Variants in FSCN2 observed in about 807,000 individuals in gnomAD.
FSCN2 encodes the protein fascin-2.
A neutral mutation model predicts 37.8 loss-of-function variants in FSCN2; 46 were observed. The observed-to-expected ratio is 1.22, with a 90% CI of 0.96 to 1.56. The LOEUF (loss-of-function observed/expected upper bound fraction) is 1.56. Among genes scored for constraint, FSCN2 ranks in the 40% most tolerant of loss-of-function variants. FSCN2 has a pLI of 0.00. For synonymous variants in FSCN2, 351 were observed against 309.4 expected, an observed-to-expected ratio of 1.13 and a Z score of -1.41; for missense variants, 844 against 730.4, an observed-to-expected ratio of 1.16 and a Z score of -1.79.
chr17:81,523,856 CACACACGCAG>C (rs2032273215), upstream of FSCN2: 1 of 152,420 alleles, frequency 6.6e-6, no homozygotes, highest in South Asian at 2.1e-4. Flanking sequence ...CCCCCAGCTG[CACACACGCAG>C]GCCTGTGCCA....
chr17:81,526,332 C>T (rs561438831), upstream of FSCN2, among the ~76,000 whole-genome samples: 4 of 152,344 alleles, frequency 2.6e-5, no homozygotes, highest in African/African-American at 9.6e-5. Context: ...CGAGCTGTAC[C>T]CTCAAAATCC....
intron 1 of FSCN2, among the ~76,000 whole-genome samples, chr17:81,531,843 GTGATGGTGA>G (rs1568078294): frequency 6.4e-5 from 6 of 93,118 alleles, no homozygotes; most frequent in Non-Finnish European, 9.8e-5. Flanking sequence ...GGTGATGGTG[GTGATGGTGA>G]TGGTGGTGAT....
chr17:81,531,332 G>GATGGTT (rs1555671264), intron 1 of FSCN2, among the ~76,000 whole-genome samples: 1 of 141,398 alleles, frequency 7.1e-6, no homozygotes, highest in Non-Finnish European at 1.5e-5. Context: ...TGGTGGTGGT[G>GATGGTT]GTGATGGTGG....
chr17:81,530,810 G>A (rs1241568521), intron 1 of FSCN2: 3 of 309,268 alleles, frequency 9.7e-6, no homozygotes, highest in East Asian at 2.6e-4. Context: ...GCAGTGACAG[G>A]GTCCCAGGAG....
Position 81,528,507 on chromosome 17 carries a change from C to A in FSCN2, c.-25C>A, listed in dbSNP as rs372264376. On this transcript the variant is annotated 5_prime_UTR_variant, in exon 1 of 5. Coordinates refer to ENST00000417245, the MANE Select transcript of FSCN2 (RefSeq NM_012418.4). ...CACTCAGAGGGCGCATCCCAGGCCC[C>A]TCCGGGGACCCGGCCAGCCTGAAGA... 3.8e-5 allele frequency: 59 copies of A among 1,550,930 alleles called. No homozygotes were observed. The highest frequency in any genetic ancestry group is 4.8e-5 in the Non-Finnish European group (55 of 1,143,204).
At chr17:81,515,901 G>A in the FSCN2 span, among the ~76,000 whole-genome samples, 1 of 152,278 alleles carries the variant, frequency 6.6e-6, no homozygotes, top group Non-Finnish European at 1.5e-5. Context: ...CTGGAGCGCA[G>A]TGGCGCGATC....
At chr17:81,526,492 A>G (rs782151356), upstream of FSCN2, among the ~76,000 whole-genome samples, 10 of 152,204 alleles carry the variant, frequency 6.6e-5, no homozygotes, top group East Asian at 1.5e-3. Context: ...TTAGCCGGGC[A>G]CGGTAGCAAG....
intron 3 of FSCN2, 94 bp from the exon 4 acceptor site, chr17:81,536,528 G>A (rs1262826823): frequency 1.3e-6 from 2 of 1,562,646 alleles, no homozygotes; most frequent in African/African-American, 1.3e-5. Context: ...GGGTCCCTAA[G>A]TCCAGGTGTG....
chr17:81,516,950 A>G, the FSCN2 span, among the ~76,000 whole-genome samples: 2 of 151,874 alleles, frequency 1.3e-5, no homozygotes, highest in Non-Finnish European at 2.9e-5. Context: ...TCCAATTCTC[A>G]CCACTGGAGG....
chr17:81,520,124 G>A, the FSCN2 span, among the ~76,000 whole-genome samples: 1 of 152,354 alleles, frequency 6.6e-6, no homozygotes, highest in Non-Finnish European at 1.5e-5. Context: ...CAAGGGGCCA[G>A]GTTGTTTGCG....
chr17:81,521,924 T>G, the FSCN2 span, among the ~76,000 whole-genome samples: 1 of 152,244 alleles, frequency 6.6e-6, no homozygotes, highest in East Asian at 1.9e-4. Flanking sequence ...ACTTCGGTAA[T>G]GACACTTGTC....
Position 81,529,249 on chromosome 17 carries a change from G to C in FSCN2, c.718G>C (p.Ala240Pro), listed in dbSNP as rs370156011. The C allele has an allele frequency of 3.1e-6, 5 of 1,597,984 alleles. No homozygotes were observed. Among genetic ancestry groups the C allele is most frequent in the Non-Finnish European group, 4.3e-6 (5 of 1,170,536 alleles). Residue 240 changes from alanine to proline, a missense_variant, in exon 1 of 5, where the codon GCC becomes CCC. By Grantham distance (27) the Ala-to-Pro change is conservative. Coordinates refer to ENST00000417245, the MANE Select transcript of FSCN2 (RefSeq NM_012418.4). ...APVGPAGTLK[A>P]GRNTRPGKDE... ...CGTGGGGCCCGCAGGCACCCTCAAG[G>C]CCGGCCGAAACACGCGACCTGGCAA...
chr17:81,527,215 A>G (rs536925303), upstream of FSCN2: 1 of 152,502 alleles, frequency 6.6e-6, no homozygotes, highest in South Asian at 2.1e-4. Flanking sequence ...GGGGACCCCC[A>G]TGATGGCCAC....
rs753518959 is a variant in FSCN2, at chr17:81,537,116, C to A, written c.*36C>A. The A allele has an allele frequency of 7.4e-7, 1 of 1,360,374 alleles. No individual in the cohort carries two copies. The highest frequency in any genetic ancestry group is 9.5e-7 in the Non-Finnish European group (1 of 1,053,876). The allele number at this position is 1,360,374 out of a possible 1,614,324, so 84.3% of individuals were successfully genotyped here. A position where few individuals can be genotyped will look rare whatever the true frequency, so the allele number is the denominator to read the frequency against. On this transcript the variant is annotated 3_prime_UTR_variant, in exon 5 of 5. Transcript: ENST00000417245. The stretch of plus-strand genomic sequence containing the variant: ...AGACCAGCCTGTCGCGCATTAAAAC[C>A]GTGTCTCTCCCGCAGCTGTGGGTGG...
At chr17:81,515,438 G>A in the FSCN2 span, among the ~76,000 whole-genome samples, 11 of 152,390 alleles carry the variant, frequency 7.2e-5, no homozygotes, top group African/African-American at 2.6e-4. Flanking sequence ...CAGGAAGGGA[G>A]ACTTGGGGCC....
the FSCN2 span, among the ~76,000 whole-genome samples, chr17:81,515,264 C>T: frequency 6.6e-6 from 1 of 151,998 alleles, no homozygotes; most frequent in Non-Finnish European, 1.5e-5. Context: ...AAGCCAGTGG[C>T]GCAGGGCAGC....
intron 1 of FSCN2, among the ~76,000 whole-genome samples, chr17:81,531,744 ATGATAGTGATGGCGATGATGG>A (rs2032628065): frequency 1.9e-5 from 1 of 52,922 alleles, no homozygotes. Flanking sequence ...GATGATGGTG[ATGATAGTGATGGCGATGATGG>A]TGATGATAGT....
At chr17:81,532,328 AGTG>A (rs2032697805) in intron 1 of FSCN2, among the ~76,000 whole-genome samples, 1 of 36,884 alleles carries the variant, frequency 2.7e-5, no homozygotes, top group Non-Finnish European at 5.4e-5. Context: ...TGGTGATGAT[AGTG>A]ATGGTGATGA....
chr17:81,517,917 C>T, the FSCN2 span, among the ~76,000 whole-genome samples: 2 of 152,116 alleles, frequency 1.3e-5, no homozygotes, highest in African/African-American at 4.8e-5. Context: ...CTTCACAGGG[C>T]TAAAGCCAGA....
Sources: gnomAD v4.1 joint callset for allele counts (sites outside exome capture counted in the v4.1 genomes callset) on GRCh38, gnomAD v4.1.1 for gene constraint, MANE v1.5 for transcripts, NCBI Gene and HGNC (gene_info 2026-07-23, HGNC 2026-07-21) for gene names.